LRRC3B: variants seen among roughly 807,000 people sequenced by gnomAD.
LRRC3B encodes leucine-rich repeat-containing protein 3B.
A neutral mutation model predicts 12.8 loss-of-function variants in LRRC3B; 2 were observed. The ratio of observed to expected loss-of-function variants is 0.16; its 90% CI spans 0.06 to 0.49. The LOEUF (loss-of-function observed/expected upper bound fraction) is 0.49, where lower values mean the gene tolerates loss of function less well. Ranked by LOEUF, LRRC3B falls within the 20% of genes least tolerant of loss-of-function variation. LRRC3B has a pLI of 0.96. For missense variants in LRRC3B, 189 were observed against 319.4 expected, an observed-to-expected ratio of 0.59 and a Z score of 3.11; for synonymous variants, 132 against 122.0, an observed-to-expected ratio of 1.08 and a Z score of -0.54.
At chr3:26,684,961 T>G (rs995291034) in intron 1 of LRRC3B, among the ~76,000 whole-genome samples, 10 of 143,898 alleles carry the variant, frequency 6.9e-5, no homozygotes, top group African/African-American at 3.0e-4. Flanking sequence ...TATTTTATTT[T>G]ATTTTATTTT....
At chr3:26,662,553 C>G (rs1699513968) in intron 1 of LRRC3B, among the ~76,000 whole-genome samples, 1 of 152,024 alleles carries the variant, frequency 6.6e-6, no homozygotes, top group Non-Finnish European at 1.5e-5. Flanking sequence ...CTGTCTAAGT[C>G]ATTGATAGAT....
chr3:26,695,304 G>C (rs899954784), intron 1 of LRRC3B, among the ~76,000 whole-genome samples: 2 of 152,082 alleles, frequency 1.3e-5, no homozygotes, highest in Non-Finnish European at 2.9e-5. Context: ...GAGGCGGGGG[G>C]ACCACGAGGT....
chr3:26,709,604 G>T, exon 2 of LRRC3B: 1 of 1,492,854 alleles, frequency 6.7e-7, no homozygotes, highest in African/African-American at 1.4e-5. Context: ...GTGTGGACAG[G>T]GCTGGAACCT....
intron 1 of LRRC3B, among the ~76,000 whole-genome samples, chr3:26,627,602 G>A (rs528682977): frequency 1.4e-4 from 22 of 152,082 alleles, no homozygotes; most frequent in Non-Finnish European, 2.6e-4. Flanking sequence ...GAGAGCCAAC[G>A]TGCACTAAGA....
chr3:26,649,125 A>G (rs1699213044), intron 1 of LRRC3B, among the ~76,000 whole-genome samples: 1 of 152,242 alleles, frequency 6.6e-6, no homozygotes, highest in African/African-American at 2.4e-5. Flanking sequence ...TTTCTTGAGA[A>G]AAGAATTAGA....
chr3:26,640,816 A>G (rs1159595330), intron 1 of LRRC3B, among the ~76,000 whole-genome samples: 1 of 152,108 alleles, frequency 6.6e-6, no homozygotes, highest in Non-Finnish European at 1.5e-5. Flanking sequence ...AGCTGGCGAA[A>G]TGGCTTAAAA....
intron 1 of LRRC3B, among the ~76,000 whole-genome samples, chr3:26,644,400 T>C (rs756677261): frequency 1.5e-4 from 23 of 152,214 alleles, no homozygotes; most frequent in Admixed American, 5.9e-4. Flanking sequence ...ATCTGAGTTA[T>C]TTCACATCTA....
chr3:26,623,478 T>G (rs377638440), intron 1 of LRRC3B, among the ~76,000 whole-genome samples: 31 of 152,302 alleles, frequency 2.0e-4, no homozygotes, highest in African/African-American at 7.2e-4. Context: ...TGCAAACTTT[T>G]GTGACCCCTT....
intron 1 of LRRC3B, among the ~76,000 whole-genome samples, chr3:26,681,031 A>G (rs1052980655): frequency 6.6e-6 from 1 of 152,232 alleles, no homozygotes; most frequent in African/African-American, 2.4e-5. Flanking sequence ...ACTACAAAAG[A>G]CAACTGAATT....
intron 1 of LRRC3B, among the ~76,000 whole-genome samples, chr3:26,640,440 A>C (rs1699005274): frequency 1.4e-5 from 2 of 140,700 alleles, no homozygotes; most frequent in South Asian, 4.6e-4. Context: ...AAAAAAAAAA[A>C]AACCCAAAAA....
At chr3:26,709,913 A>G (rs949280435) in exon 2 of LRRC3B, 1 of 1,613,972 alleles carries the variant, frequency 6.2e-7, no homozygotes, top group African/African-American at 1.3e-5. Context: ...ATCTATTCCC[A>G]ATGAAATTTT....
At chr3:26,628,317 T>A (rs1194443627) in intron 1 of LRRC3B, among the ~76,000 whole-genome samples, 5 of 151,784 alleles carry the variant, frequency 3.3e-5, no homozygotes, top group Non-Finnish European at 7.4e-5. Flanking sequence ...GGGTAAGATA[T>A]TTGAAAAAAA....
intron 1 of LRRC3B, among the ~76,000 whole-genome samples, chr3:26,700,047 G>C (rs886230501): frequency 1.3e-5 from 2 of 152,150 alleles, no homozygotes; most frequent in Non-Finnish European, 1.5e-5. Flanking sequence ...TTGTAGGAAG[G>C]AGTTAATGTA....
intron 1 of LRRC3B, among the ~76,000 whole-genome samples, chr3:26,643,122 A>G (rs1699066573): frequency 6.6e-6 from 1 of 152,144 alleles, no homozygotes; most frequent in African/African-American, 2.4e-5. Flanking sequence ...GGTGAGTGAC[A>G]AAGACAATAA....
At chr3:26,637,090 G>A (rs762139430) in intron 1 of LRRC3B, among the ~76,000 whole-genome samples, 4 of 150,596 alleles carry the variant, frequency 2.7e-5, no homozygotes, top group African/African-American at 4.9e-5. Context: ...TCCGCCTCTC[G>A]AGTTCAAGCA....
intron 1 of LRRC3B, among the ~76,000 whole-genome samples, chr3:26,652,303 A>G (rs960371572): frequency 3.3e-5 from 5 of 152,374 alleles, no homozygotes; most frequent in Middle Eastern, 3.4e-3. Context: ...CCTGCGAAGC[A>G]GAGCCCAACC....
chr3:26,701,055 A>C (rs1420257191), intron 1 of LRRC3B, among the ~76,000 whole-genome samples: 1 of 152,166 alleles, frequency 6.6e-6, no homozygotes, highest in Non-Finnish European at 1.5e-5. Context: ...ACAATGTTGT[A>C]CTTACTCCTA....
rs1195473054 is a variant in LRRC3B, at chr3:26,671,373, T to TAGAGAGAGAGAGAGAG, written c.-160-38114_-160-38099dup. On this transcript the variant is annotated intron_variant, in intron 1 of 1. Coordinates refer to ENST00000396641, the Ensembl canonical transcript of LRRC3B. ...GTGTATATATATATATATATATATA[T>TAGAGAGAGAGAGAGAG]AGAGAGAGAGAGAGAGAGAGAGAGA... is the stretch of plus-strand genomic sequence containing the variant. Among the ~76,000 whole-genome samples, 118 of 28,244 alleles carry TAGAGAGAGAGAGAGAG rather than the reference T, an allele frequency of 4.2e-3. 12 individuals carry two copies. Among genetic ancestry groups the TAGAGAGAGAGAGAGAG allele is most frequent in the South Asian group, 0.011 (5 of 460 alleles). The allele number at this position is 28,244 out of a possible 152,430, so 18.5% of individuals were successfully genotyped here. A position where few individuals can be genotyped will look rare whatever the true frequency, so the allele number is the denominator to read the frequency against.
chr3:26,679,121 A>C (rs1306800146), intron 1 of LRRC3B, among the ~76,000 whole-genome samples: 17 of 152,224 alleles, frequency 1.1e-4, no homozygotes, highest in Admixed American at 1.1e-3. Context: ...TTATTCATTC[A>C]GTTATTCAAA....
Sources: gnomAD v4.1 joint callset for allele counts (sites outside exome capture counted in the v4.1 genomes callset) on GRCh38, gnomAD v4.1.1 for gene constraint, MANE v1.5 for transcripts, NCBI Gene and HGNC (gene_info 2026-07-23, HGNC 2026-07-21) for gene names.